Variants in CCT6B observed in about 807,000 individuals in gnomAD.
CCT6B encodes probable T-complex protein 1 subunit zeta-2.
In CCT6B, 49 loss-of-function variants were observed where a neutral mutation model predicts 61.5. That is an observed-to-expected ratio of 0.80 (90% confidence interval 0.63 to 1.01). CCT6B has a LOEUF of 1.01. Ranked by LOEUF, CCT6B falls within the 50% of genes least tolerant of loss-of-function variation. The pLI, the probability that CCT6B is intolerant of heterozygous loss-of-function variation, is 0.00. For synonymous variants in CCT6B, 228 were observed against 214.5 expected, an observed-to-expected ratio of 1.06 and a Z score of -0.55; for missense variants, 666 against 634.7, an observed-to-expected ratio of 1.05 and a Z score of -0.53.
intron 12 of CCT6B, among the ~76,000 whole-genome samples, chr17:34,930,278 T>C (rs969175078): frequency 2.6e-5 from 4 of 152,028 alleles, no homozygotes; most frequent in African/African-American, 9.7e-5. Flanking sequence ...TCTCATAAAT[T>C]AATTAATTAG....
Position 34,928,073 on chromosome 17 carries a change from C to T in CCT6B, c.1568G>A (p.Arg523Gln), listed in dbSNP as rs570667713. 3.7e-6 allele frequency: 6 copies of T among 1,611,184 alleles called. No homozygotes were observed. The highest frequency in any genetic ancestry group is 1.1e-5 in the South Asian group (1 of 90,640). ...TCATTTGAGAGAAGACATCCCAGCT[C>T]GCATAATTTCATCAACCAGGAGAAT... ...TNILLVDEIM[R>Q]AGMSSLK The change falls in exon 14 of 14, where the codon CGA (arginine) becomes CAA (glutamine). Residue 523 changes from arginine to glutamine, a missense_variant. Physicochemically the swap from Arg to Gln is conservative, Grantham distance 43 (BLOSUM62 1). Coordinates refer to ENST00000314144, the MANE Select transcript of CCT6B (RefSeq NM_006584.4).
At chr17:34,933,166 G>T (rs1469316179) in intron 10 of CCT6B, among the ~76,000 whole-genome samples, 1 of 152,162 alleles carries the variant, frequency 6.6e-6, no homozygotes, top group Non-Finnish European at 1.5e-5. Context: ...TTTAGACCAA[G>T]ATCATTTGTC....
chr17:34,952,334 A>G (rs1271822757), intron 4 of CCT6B, among the ~76,000 whole-genome samples: 1 of 152,178 alleles, frequency 6.6e-6, no homozygotes, highest in Non-Finnish European at 1.5e-5. Context: ...TTTAAATAAG[A>G]TCTAACAGCT....
chr17:34,930,891 C>A, intron 12 of CCT6B, 58 bp downstream of exon 12: 1 of 836,066 alleles, frequency 1.2e-6, no homozygotes. Flanking sequence ...ACCATAAGAT[C>A]TGGGTAACTA....
chr17:34,953,989 T>C (rs1279107417), intron 4 of CCT6B, among the ~76,000 whole-genome samples: 1 of 152,032 alleles, frequency 6.6e-6, no homozygotes, highest in Non-Finnish European at 1.5e-5. Context: ...TAAACAAACA[T>C]ACATTTCCAA....
At position 34,927,934 on chromosome 17, in the gene CCT6B, C is replaced by T. The variant is rs1286370331; in HGVS notation, c.*114G>A. ...TTTGAGACTATTAAGACCCAAAAGACATAAACTGCATTTATTGTGTAGAAA... is the reference window on the plus strand; with the variant it reads ...TTTGAGACTATTAAGACCCAAAAGATATAAACTGCATTTATTGTGTAGAAA... On this transcript the variant is annotated 3_prime_UTR_variant, in exon 14 of 14. Transcript: ENST00000314144. The T allele has an allele frequency of 1.6e-6, 1 of 635,048 alleles. No homozygotes were observed. Among genetic ancestry groups the T allele is most frequent in the African/African-American group, 1.9e-5 (1 of 52,642 alleles). 39.3% of individuals were successfully genotyped at this position (635,048 alleles called of 1,614,324 possible).
At chr17:34,938,595 G>C (rs558164251) in intron 10 of CCT6B, among the ~76,000 whole-genome samples, 1 of 152,006 alleles carries the variant, frequency 6.6e-6, no homozygotes, top group Non-Finnish European at 1.5e-5. Flanking sequence ...GCCAGGCGCA[G>C]TGGCTCATGC....
intron 3 of CCT6B, among the ~76,000 whole-genome samples, chr17:34,954,887 G>A (rs1233812579): frequency 6.6e-6 from 1 of 152,184 alleles, no homozygotes; most frequent in Admixed American, 6.5e-5. Flanking sequence ...CACATAAAAA[G>A]ATTCCTTTCA....
At chr17:34,939,389 A>G (rs540346323) in intron 9 of CCT6B, 59 bp from the exon 10 acceptor site, 2 of 1,368,478 alleles carry the variant, frequency 1.5e-6, no homozygotes, top group South Asian at 1.3e-5. Context: ...AAAATCAACA[A>G]TTTATACTAG....
chr17:34,932,283 T>C (rs2090043974), intron 11 of CCT6B, 84 bp downstream of exon 11: 1 of 1,231,404 alleles, frequency 8.1e-7, no homozygotes, highest in Non-Finnish European at 1.1e-6. Flanking sequence ...GTCTACTCCA[T>C]TAACTATCAG....
At chr17:34,929,762 C>T (rs2090014487) in intron 12 of CCT6B, among the ~76,000 whole-genome samples, 1 of 152,110 alleles carries the variant, frequency 6.6e-6, no homozygotes, top group Non-Finnish European at 1.5e-5. Context: ...GATTCACCTA[C>T]CTTGGCCTCC....
chr17:34,943,171 C>T (rs577502913), intron 5 of CCT6B: 3 of 290,084 alleles, frequency 1.0e-5, no homozygotes, highest in East Asian at 1.3e-4. Flanking sequence ...AGTGCACCAC[C>T]TCACCCACCT....
At position 34,928,078 on chromosome 17, in the gene CCT6B, A is replaced by G; in HGVS notation, c.1563T>C (p.Ile521=). ...TGAGAGAAGACATCCCAGCTCGCAT[A>G]ATTTCATCAACCAGGAGAATGTTGG... ...IATNILLVDE[I]MRAGMSSLK is the part of the protein sequence containing the mutation. The change falls in exon 14 of 14, where the codon ATT becomes ATC. Residue 521 remains isoleucine, a synonymous_variant. Transcript: ENST00000314144. The G allele has an allele frequency of 6.2e-7, 1 of 1,611,998 alleles. No individual in the cohort carries two copies. The highest frequency in any genetic ancestry group is 1.1e-5 in the South Asian group (1 of 90,696).
intron 4 of CCT6B, among the ~76,000 whole-genome samples, chr17:34,952,934 T>C (rs2090308636): frequency 6.6e-6 from 1 of 152,126 alleles, no homozygotes; most frequent in Non-Finnish European, 1.5e-5. Context: ...CCTAGCAGCA[T>C]GAAGATTTGG....
In CCT6B at chr17:34,958,593, C is replaced by T; in HGVS notation, c.303G>A (p.Glu101=). The T allele has an allele frequency of 6.3e-7, 1 of 1,587,056 alleles. No individual in the cohort carries two copies. Among genetic ancestry groups the T allele is most frequent in the Non-Finnish European group, 8.6e-7 (1 of 1,165,136 alleles). Residue 101 remains glutamate (E), a synonymous_variant, in exon 3 of 14, where the codon GAG becomes GAA. Coordinates refer to ENST00000314144, the MANE Select transcript of CCT6B (RefSeq NM_006584.4). The stretch of plus-strand genomic sequence containing the variant: ...TGTACAGGTCAGCTTGTTTTAATAA[C>T]TCTCCAATAATTAGAACATTTGAAG... ...GTTSNVLIIG[E]LLKQADLYIS... is the part of the protein sequence containing the mutation.
At chr17:34,954,193 C>T (rs2090323573) in intron 4 of CCT6B, among the ~76,000 whole-genome samples, 1 of 152,108 alleles carries the variant, frequency 6.6e-6, no homozygotes, top group Admixed American at 6.6e-5. Flanking sequence ...CCAAACCTCT[C>T]CCACCTTTCA....
chr17:34,941,212 A>G (rs753065987), intron 7 of CCT6B, among the ~76,000 whole-genome samples: 10 of 152,222 alleles, frequency 6.6e-5, no homozygotes, highest in African/African-American at 2.2e-4. Flanking sequence ...ATTAAAACAC[A>G]TTGCTGTAAC....
At chr17:34,942,279 G>A (rs1356159120) in intron 7 of CCT6B, among the ~76,000 whole-genome samples, 1 of 151,752 alleles carries the variant, frequency 6.6e-6, no homozygotes, top group Non-Finnish European at 1.5e-5. Context: ...TTGTACTAAG[G>A]TGCCAGCAGT....
intron 4 of CCT6B, among the ~76,000 whole-genome samples, chr17:34,953,097 C>T (rs545105270): frequency 1.3e-5 from 2 of 152,070 alleles, no homozygotes; most frequent in South Asian, 2.1e-4. Flanking sequence ...TATTCCAGTA[C>T]ATTTGGCATT....
Sources: allele counts gnomAD v4.1 joint callset (sites outside exome capture counted in the v4.1 genomes callset), GRCh38; gene constraint gnomAD v4.1.1; transcripts MANE v1.5; gene names NCBI Gene and HGNC (gene_info 2026-07-23, HGNC 2026-07-21).